The following FGR variants were observed in gnomAD, a reference collection of about 807,000 sequenced individuals.
The protein encoded by FGR is FGR proto-oncogene, Src family tyrosine kinase.
In FGR, 26 loss-of-function variants were observed where a neutral mutation model predicts 63.2. The observed-to-expected ratio is 0.41, with a 90% CI of 0.30 to 0.57. The LOEUF is 0.57. Ranked by LOEUF, FGR falls within the 20% of genes least tolerant of loss-of-function variation. The pLI is 0.27. For synonymous variants in FGR, 286 were observed against 277.7 expected (o/e 1.03, Z -0.30); for missense variants, 511 against 690.8 (o/e 0.74, Z 2.92).
Position 27,614,567 on chromosome 1 carries a change from G to C in FGR, c.1112C>G (p.Ala371Gly). Residue 371 changes from alanine (A) to glycine (G), a missense_variant, in exon 11 of 13, where the codon GCC becomes GGC. Coordinates refer to ENST00000374005, the MANE Select transcript of FGR (RefSeq NM_005248.3). ...DMAAQVAEGM[A>G]YMERMNYIHR... ...AATGTAGTTCATGCGTTCCATGTAG[G>C]CCATGCCCTCAGCTACCTGGGGGAC... 6.2e-7 allele frequency: 1 copy of C among 1,614,066 alleles called. No homozygotes were observed. The highest frequency in any genetic ancestry group is 8.5e-7 in the Non-Finnish European group (1 of 1,179,960).
Position 27,614,843 on chromosome 1 carries a change from C to T in FGR, c.1095+7G>A, listed in dbSNP as rs553963840. 368 of 1,583,204 alleles carry T rather than the reference C, an allele frequency of 2.3e-4. 1 individual carries two copies. The highest frequency in any genetic ancestry group is 1.4e-4 in the Non-Finnish European group (159 of 1,162,544). ...GTCCGGGAGGTAAAGGCTGCTGGCC[C>T]AGTTACCTGGGCTGCCATGTCCACC... is the stretch of plus-strand genomic sequence containing the variant. On this transcript the variant is annotated splice_region_variant and intron_variant, in intron 10 of 12. Coordinates refer to ENST00000374005, the MANE Select transcript of FGR (RefSeq NM_005248.3).
intron 2 of FGR, among the ~76,000 whole-genome samples, chr1:27,624,590 T>C (rs1029946204): frequency 6.6e-6 from 1 of 152,176 alleles, no homozygotes; most frequent in Non-Finnish European, 1.5e-5. Context: ...TGGATGTCTG[T>C]CTGTGTGTGC....
In FGR at chr1:27,615,701, C is replaced by T; in HGVS notation, c.826G>A (p.Asp276Asn). The change falls in exon 8 of 13, where the codon GAT (aspartate) becomes AAT (asparagine). Residue 276 changes from aspartate to asparagine, a missense_variant. By Grantham distance (23) the Asp-to-Asn change is conservative. Transcript: ENST00000374005. The surrounding 1 kb of genome is among the most constrained non-coding windows in gnomAD (Gnocchi z 7.6). ...ERRLGTGCFGDVWLGTWNGST... is the reference protein window; with the variant it reads ...ERRLGTGCFGNVWLGTWNGST... ...GGGAGCTCCGTACCCAGCCACACAT[C>T]CCCGAAGCAGCCGGTGCCCAGCCGG... 1 of 1,603,212 alleles carries T rather than the reference C, an allele frequency of 6.2e-7. No homozygotes were observed. The highest frequency in any genetic ancestry group is 8.5e-7 in the Non-Finnish European group (1 of 1,172,350).
chr1:27,626,129 C>T, intron 1 of FGR: 1 of 398,668 alleles, frequency 2.5e-6, no homozygotes, highest in East Asian at 3.6e-5. Flanking sequence ...GGAAGCCCCA[C>T]AATGAGCCAA....
Position 27,613,298 on chromosome 1 carries a change from T to C in FGR, c.1302A>G (p.Arg434=). Residue 434 remains arginine (R), a synonymous_variant, in exon 12 of 13, where the codon AGA becomes AGG. Transcript: ENST00000374005. The part of the protein sequence containing the change: ...WTAPEAALFG[R]FTIKSDVWSF... ...ACCACACGTCTGACTTGATGGTGAA[T>C]CTGCCAAAGAGGGCAGCTTCTGGGG... 1 of 1,614,070 alleles carries C rather than the reference T, an allele frequency of 6.2e-7. No homozygotes were observed. Among genetic ancestry groups the C allele is most frequent in the South Asian group, 1.1e-5 (1 of 91,068 alleles).
intron 4 of FGR, among the ~76,000 whole-genome samples, chr1:27,621,866 C>T (rs1202727441): frequency 6.6e-6 from 1 of 152,146 alleles, no homozygotes; most frequent in Non-Finnish European, 1.5e-5. Context: ...AGCTCGGGGG[C>T]ACTTAGGGCT....
rs935749143 is a variant in FGR at position 27,615,330 on chromosome 1, C to T, written c.1018+104G>A. Reference sequence around the variant, plus strand: ...ACCTGGTCCCTTAGTGGGACTCTGCCCATTGTCCCTTGTCCCTCACAGATC... The same window carrying T: ...ACCTGGTCCCTTAGTGGGACTCTGCTCATTGTCCCTTGTCCCTCACAGATC... On this transcript the variant is annotated intron_variant, in intron 9 of 12. Coordinates refer to ENST00000374005, the MANE Select transcript of FGR (RefSeq NM_005248.3). This position sits in a 1 kb window ranked among gnomAD's most constrained non-coding sequence, Gnocchi z 7.6. 7.6e-7 allele frequency: 1 copy of T among 1,310,130 alleles called. No homozygotes were observed. The highest frequency in any genetic ancestry group is 1.5e-5 in the African/African-American group (1 of 68,876). 81.2% of individuals were successfully genotyped at this position (1,310,130 alleles called of 1,614,324 possible). A position where few individuals can be genotyped will look rare whatever the true frequency, so the allele number is the denominator to read the frequency against.
intron 1 of FGR, among the ~76,000 whole-genome samples, chr1:27,629,229 A>G (rs1036305963): frequency 6.6e-6 from 1 of 152,130 alleles, no homozygotes; most frequent in African/African-American, 2.4e-5. Context: ...AGAAAAGAAA[A>G]GAAAAAGCCC....
At chr1:27,613,383 G>C in intron 11 of FGR, 33 bp from the exon 12 acceptor site, 1 of 1,609,178 alleles carries the variant, frequency 6.2e-7, no homozygotes, top group African/African-American at 1.3e-5. Context: ...GAAAGTTAGT[G>C]AGGGGGTCCC....
At position 27,615,502 on chromosome 1, in the gene FGR, T is replaced by C. The variant is rs2089789339; in HGVS notation, c.950A>G (p.Lys317Arg). Residue 317 changes from lysine (K) to arginine (R), a missense_variant, in exon 9 of 13, where the codon AAG (lysine) becomes AGG (arginine). Lys to Arg is a conservative substitution (Grantham distance 26, BLOSUM62 2). Coordinates refer to ENST00000374005, the MANE Select transcript of FGR (RefSeq NM_005248.3). This position sits in a 1 kb window ranked among gnomAD's most constrained non-coding sequence, Gnocchi z 7.6. Reference sequence around the variant, plus strand: ...CACCACGGCGTACAGCTGCACCAGCTTGTCGTGCCGCAGCAGCTTCATGAC... The same window carrying C: ...CACCACGGCGTACAGCTGCACCAGCCTGTCGTGCCGCAGCAGCTTCATGAC... ...AQVMKLLRHD[K>R]LVQLYAVVSE... The C allele has an allele frequency of 1.2e-6, 2 of 1,613,772 alleles. No individual in the cohort carries two copies. The highest frequency in any genetic ancestry group is 1.7e-5 in the Admixed American group (1 of 60,010).
intron 1 of FGR, among the ~76,000 whole-genome samples, chr1:27,632,898 C>T (rs774701170): frequency 2.0e-4 from 31 of 152,106 alleles, no homozygotes; most frequent in African/African-American, 3.6e-4. Flanking sequence ...GTCTGCTCTG[C>T]GTGGGAAGAG....
chr1:27,617,226 C>T lies in FGR; in HGVS notation c.499G>A (p.Ala167Thr), dbSNP rs775574356. ...QLLSPGNPQGAFLIRESETTK... is the reference protein window; with the variant it reads ...QLLSPGNPQGTFLIRESETTK... ...GTCTCGCTTTCCCGAATGAGAAAGG[C>T]CCCCTGGGGGTTGCCTGGTGAAAGC... Residue 167 changes from alanine to threonine, a missense_variant, in exon 6 of 13, where the codon GCC (alanine) becomes ACC (threonine). Ala to Thr is a moderately conservative substitution (Grantham distance 58). Coordinates refer to ENST00000374005, the MANE Select transcript of FGR (RefSeq NM_005248.3). The surrounding 1 kb of genome is among the most constrained non-coding windows in gnomAD (Gnocchi z 4.5). 2 of 1,614,168 alleles carry T rather than the reference C, an allele frequency of 1.2e-6. No homozygotes were observed. The highest frequency in any genetic ancestry group is 1.7e-6 in the Non-Finnish European group (2 of 1,179,996).
rs142998887 is a variant in FGR, at chr1:27,615,765, G to A, written c.762C>T (p.Asp254=). 6.9e-3 allele frequency: 11,031 copies of A among 1,604,812 alleles called. 722 individuals are homozygous for A. The South Asian group carries it at 0.12, about 17-fold the overall frequency. Residue 254 remains aspartate (D), a synonymous_variant, in exon 8 of 13, where the codon GAC becomes GAT. Transcript: ENST00000374005. This position sits in a 1 kb window ranked among gnomAD's most constrained non-coding sequence, Gnocchi z 7.6. The part of the protein sequence containing the change: ...MKPQTLGLAK[D]AWEISRSSIT... ...TGGAGCTGCGGCTGATCTCCCAGGC[G>A]TCCTTGGCCAGGCCCAGCGTCTGCG...
chr1:27,623,004 C>T, intron 4 of FGR, 38 bp downstream of exon 4: 4 of 1,449,982 alleles, frequency 2.8e-6, no homozygotes, highest in Non-Finnish European at 3.9e-6. Context: ...CTGCTCCCAG[C>T]CCAGGCAATG....
chr1:27,615,974 G>A lies in FGR; in HGVS notation c.683-130C>T. ...AACTAGGCCCCAAGTGAGGTCACAG[G>A]CCAGGAAGAAAGGCAACCCGATCCA... On this transcript the variant is annotated intron_variant, in intron 7 of 12. Coordinates refer to ENST00000374005, the MANE Select transcript of FGR (RefSeq NM_005248.3). This position sits in a 1 kb window ranked among gnomAD's most constrained non-coding sequence, Gnocchi z 7.6. The A allele has an allele frequency of 1.8e-6, 2 of 1,083,196 alleles. No individual in the cohort carries two copies. Among genetic ancestry groups the A allele is most frequent in the Non-Finnish European group, 1.3e-6 (1 of 781,388 alleles). 67.1% of individuals were successfully genotyped at this position (1,083,196 alleles called of 1,614,324 possible). A position where few individuals can be genotyped will look rare whatever the true frequency, so the allele number is the denominator to read the frequency against.
intron 5 of FGR, 39 bp downstream of exon 5, chr1:27,621,520 C>A: frequency 6.7e-7 from 1 of 1,494,474 alleles, no homozygotes; most frequent in Non-Finnish European, 9.3e-7. Context: ...ACTCCAGGGT[C>A]CTGTCCATAG....
intron 1 of FGR, among the ~76,000 whole-genome samples, chr1:27,627,516 G>A (rs1890462): frequency 0.15 from 22,482 of 151,870 alleles, 4,850 homozygotes; most frequent in African/African-American, 0.48. Context: ...AATTTATAGC[G>A]CTTACTATAT....
Position 27,614,351 on chromosome 1 carries a change from G to A in FGR, c.1249+79C>T, listed in dbSNP as rs562936672. On this transcript the variant is annotated intron_variant, in intron 11 of 12. Coordinates refer to ENST00000374005, the MANE Select transcript of FGR (RefSeq NM_005248.3). ...GACTCGGGCGACCTGGAGTGAGGAAGGGTTCCTGAGTGCGTGGGGCCCCAT... is the reference window on the plus strand; with the variant it reads ...GACTCGGGCGACCTGGAGTGAGGAAAGGTTCCTGAGTGCGTGGGGCCCCAT... The A allele has an allele frequency of 6.1e-5, 91 of 1,480,052 alleles. 1 individual carries two copies. The South Asian group carries it at 1.1e-3, about 19-fold the overall frequency. 91.7% of individuals were successfully genotyped at this position (1,480,052 alleles called of 1,614,324 possible). A position where few individuals can be genotyped will look rare whatever the true frequency, so the allele number is the denominator to read the frequency against.
At position 27,613,048 on chromosome 1, in the gene FGR, A is replaced by G; in HGVS notation, c.1456T>C (p.Ser486Pro). The change falls in exon 13 of 13, where the codon TCC becomes CCC. Residue 486 changes from serine to proline, a missense_variant. Physicochemically the swap from Ser to Pro is moderately conservative, Grantham distance 74. Coordinates refer to ENST00000374005, the MANE Select transcript of FGR (RefSeq NM_005248.3). Reference sequence around the variant, plus strand: ...GTCTGTTCCATGGCCTCGTACAGGGATGCTGGGCAGCCTGGAGGGCACGGC... The same window carrying G: ...GTCTGTTCCATGGCCTCGTACAGGGGTGCTGGGCAGCCTGGAGGGCACGGC... ...HMPCPPGCPA[S>P]LYEAMEQTWR... is the part of the protein sequence containing the mutation. The G allele has an allele frequency of 6.2e-7, 1 of 1,614,138 alleles. No individual in the cohort carries two copies. The highest frequency in any genetic ancestry group is 8.5e-7 in the Non-Finnish European group (1 of 1,180,016).
Sources: allele counts gnomAD v4.1 joint callset (sites outside exome capture counted in the v4.1 genomes callset), GRCh38; gene constraint gnomAD v4.1.1; non-coding constraint Gnocchi (gnomAD v3.1); transcripts MANE v1.5; gene names NCBI Gene and HGNC (gene_info 2026-07-23, HGNC 2026-07-21).